Variants in GRIA1 observed in about 807,000 individuals in gnomAD.
The protein encoded by GRIA1 is glutamate receptor 1.
In GRIA1, 31 loss-of-function variants were observed where a neutral mutation model predicts 99.2. The ratio of observed to expected loss-of-function variants is 0.31; its 90% confidence interval spans 0.23 to 0.42. GRIA1 has a LOEUF of 0.42. Among genes scored for constraint, GRIA1 ranks in the 10% least tolerant of loss-of-function variants. The probability of loss-of-function intolerance (pLI) is 1.00; values close to 1 mark genes in which losing one functional copy is unlikely to be tolerated. For synonymous variants in GRIA1, 438 were observed against 432.4 expected (o/e 1.01, Z -0.16); for missense variants, 782 against 1,157.5 (o/e 0.68, Z 4.71).
chr5:153,680,868 A>G (rs1756924909), intron 7 of GRIA1, among the ~76,000 whole-genome samples: 1 of 152,204 alleles, frequency 6.6e-6, no homozygotes, highest in African/African-American at 2.4e-5. Context: ...CAATAGGATG[A>G]CCACTTTATT....
intron 2 of GRIA1, among the ~76,000 whole-genome samples, 176 bp from the exon 3 acceptor site, chr5:153,646,752 C>G (rs557232991): frequency 1.7e-4 from 26 of 152,174 alleles, no homozygotes; most frequent in African/African-American, 6.3e-4. Context: ...GTTGGATAGA[C>G]TGGTGTGTCG....
At position 153,600,174 on chromosome 5, in the gene GRIA1, G is replaced by A. The variant is rs1490563238; in HGVS notation, c.221-46754G>A. Among the ~76,000 whole-genome samples the A allele has an allele frequency of 2.6e-5, 4 of 152,046 alleles. No individual in the cohort carries two copies. In the East Asian group the frequency reaches 5.8e-4, roughly 22 times the overall value. ...TCGGAGGCCGAGGCGGGTGGATCGCGAGGTCAGAAGATTGAGACCATCCTG... is the reference window on the plus strand; with the variant it reads ...TCGGAGGCCGAGGCGGGTGGATCGCAAGGTCAGAAGATTGAGACCATCCTG... On this transcript the variant is annotated intron_variant, in intron 2 of 15. Transcript: ENST00000285900.
chr5:153,514,330 A>G (rs1479754936), intron 2 of GRIA1, among the ~76,000 whole-genome samples: 1 of 152,238 alleles, frequency 6.6e-6, no homozygotes, highest in Non-Finnish European at 1.5e-5. Flanking sequence ...CAGGACTTAC[A>G]TTTAAGTATT....
intron 8 of GRIA1, among the ~76,000 whole-genome samples, chr5:153,694,455 T>C (rs921452277): frequency 3.3e-5 from 5 of 152,362 alleles, no homozygotes; most frequent in African/African-American, 1.2e-4. Context: ...TCTTGTAGTA[T>C]AGAAACCTGT....
At chr5:153,698,477 G>GA (rs1192186705) in intron 9 of GRIA1, among the ~76,000 whole-genome samples, 5 of 152,250 alleles carry the variant, frequency 3.3e-5, no homozygotes, top group African/African-American at 1.2e-4. Flanking sequence ...TATTTTCAAA[G>GA]AAAGTCCAAT....
chr5:153,736,978 T>C (rs1231574814), intron 11 of GRIA1, among the ~76,000 whole-genome samples: 1 of 152,140 alleles, frequency 6.6e-6, no homozygotes, highest in Non-Finnish European at 1.5e-5. Flanking sequence ...AATATTGGGA[T>C]CATTAGAGAA....
intron 2 of GRIA1, 150 bp downstream of exon 2, chr5:153,494,215 C>G: frequency 1.4e-6 from 1 of 720,190 alleles, no homozygotes; most frequent in Non-Finnish European, 2.3e-6. Flanking sequence ...CTAGAGGCTT[C>G]TGAGTGATTC....
At chr5:153,753,948 C>T (rs1762657621) in intron 11 of GRIA1, among the ~76,000 whole-genome samples, 1 of 152,188 alleles carries the variant, frequency 6.6e-6, no homozygotes, top group African/African-American at 2.4e-5. Flanking sequence ...CAGTTTAATT[C>T]CAGCAGCTTG....
chr5:153,652,920 C>A (rs369044769), intron 4 of GRIA1, among the ~76,000 whole-genome samples: 2 of 152,122 alleles, frequency 1.3e-5, no homozygotes, highest in Non-Finnish European at 2.9e-5. Context: ...TAACTGGGAA[C>A]GTACCTGGGA....
At chr5:153,626,257 C>T (rs974421841) in intron 2 of GRIA1, among the ~76,000 whole-genome samples, 1 of 152,074 alleles carries the variant, frequency 6.6e-6, no homozygotes, top group African/African-American at 2.4e-5. Context: ...TGAGCAAATG[C>T]TGAGAGGAGG....
At chr5:153,616,018 G>A (rs769714776) in intron 2 of GRIA1, among the ~76,000 whole-genome samples, 19 of 152,064 alleles carry the variant, frequency 1.2e-4, no homozygotes, top group Non-Finnish European at 2.1e-4. Context: ...GCTACAGAGG[G>A]ATCAATGAAA....
At chr5:153,758,194 G>C (rs1038009243) in intron 11 of GRIA1, among the ~76,000 whole-genome samples, 1 of 151,966 alleles carries the variant, frequency 6.6e-6, no homozygotes, top group Admixed American at 6.6e-5. Context: ...AAATGGCAGT[G>C]GTAAGCCCTG....
intron 13 of GRIA1, 100 bp from the exon 14 acceptor site, chr5:153,794,521 G>C: frequency 1.3e-6 from 1 of 796,162 alleles, no homozygotes; most frequent in Non-Finnish European, 2.2e-6. Flanking sequence ...CAACCTGGCA[G>C]GCTGGGTAAT....
rs145881797 is a variant in GRIA1, at chr5:153,751,893, G to A, written c.1824-12541G>A. On this transcript the variant is annotated intron_variant, in intron 11 of 15. Transcript: ENST00000285900. Reference sequence around the variant, plus strand: ...AGCACCTTACTCCCAGACCATGTCCGAATTCATTTACCCAGAAGGCGTGAA... The same window carrying A: ...AGCACCTTACTCCCAGACCATGTCCAAATTCATTTACCCAGAAGGCGTGAA... Among the ~76,000 whole-genome samples the A allele has an allele frequency of 1.1e-4, 16 of 152,220 alleles. No individual in the cohort carries two copies. In the East Asian group the frequency reaches 1.7e-3, roughly 17 times the overall value.
intron 2 of GRIA1, among the ~76,000 whole-genome samples, chr5:153,577,871 C>T (rs1369736502): frequency 2.0e-5 from 3 of 151,966 alleles, no homozygotes; most frequent in South Asian, 4.2e-4. Flanking sequence ...TAAAGATTCC[C>T]CAGGCACAGT....
At chr5:153,664,100 G>C (rs1755573520) in intron 5 of GRIA1, among the ~76,000 whole-genome samples, 1 of 152,208 alleles carries the variant, frequency 6.6e-6, no homozygotes, top group African/African-American at 2.4e-5. Flanking sequence ...AACTAGAAGA[G>C]TCTGGTCCTT....
chr5:153,785,539 G>T (rs1481137699), intron 13 of GRIA1, among the ~76,000 whole-genome samples: 1 of 152,164 alleles, frequency 6.6e-6, no homozygotes, highest in Non-Finnish European at 1.5e-5. Flanking sequence ...GAAGGAATAT[G>T]TTAACACTAA....
chr5:153,617,154 G>A (rs1164976654), intron 2 of GRIA1, among the ~76,000 whole-genome samples: 1 of 152,182 alleles, frequency 6.6e-6, no homozygotes, highest in East Asian at 1.9e-4. Context: ...TGCCAAGAAA[G>A]ACTGTAGATA....
At chr5:153,720,039 T>C (rs78104354) in intron 11 of GRIA1, among the ~76,000 whole-genome samples, 2,678 of 152,300 alleles carry the variant, frequency 0.018, 20 homozygotes, top group African/African-American at 0.034. Context: ...TAGACACCAG[T>C]GATTACTTTT....
Sources: gnomAD v4.1 joint callset for allele counts (sites outside exome capture counted in the v4.1 genomes callset) on GRCh38, gnomAD v4.1.1 for gene constraint, MANE v1.5 for transcripts, NCBI Gene and HGNC (gene_info 2026-07-23, HGNC 2026-07-21) for gene names.